AXL: variants seen among roughly 807,000 people sequenced by gnomAD.
AXL encodes the protein tyrosine-protein kinase receptor UFO.
A neutral mutation model predicts 104.5 loss-of-function variants in AXL; 52 were observed. The observed-to-expected ratio is 0.50, with a 90% CI of 0.40 to 0.63. The LOEUF (loss-of-function observed/expected upper bound fraction) is 0.63. Among genes scored for constraint, AXL ranks in the 20% least tolerant of loss-of-function variants. The probability of loss-of-function intolerance (pLI) is 0.00; values close to 1 mark genes in which losing one functional copy is unlikely to be tolerated. For synonymous variants in AXL, 455 were observed against 473.7 expected, an observed-to-expected ratio of 0.96 and a Z score of 0.51; for missense variants, 1,024 against 1,188.5, an observed-to-expected ratio of 0.86 and a Z score of 2.04.
rs1363946537 is a variant in AXL, at chr19:41,238,459, C to A, written c.995-11C>A. 1.9e-6 allele frequency: 3 copies of A among 1,605,690 alleles called. No homozygotes were observed. Among genetic ancestry groups the A allele is most frequent in the Non-Finnish European group, 1.7e-6 (2 of 1,173,614 alleles). The stretch of plus-strand genomic sequence containing the variant: ...TGGGGGTGCCAGCTTCCCCTCTTCC[C>A]TGTCCTCCAGTGCCCCTGGGCCCCC... On this transcript the variant is annotated splice_polypyrimidine_tract_variant and intron_variant, in intron 7 of 19. Coordinates refer to ENST00000301178, the MANE Select transcript of AXL (RefSeq NM_021913.5).
At chr19:41,247,120 G>A (rs1328642274) in intron 12 of AXL, among the ~76,000 whole-genome samples, 2 of 152,162 alleles carry the variant, frequency 1.3e-5, no homozygotes, top group African/African-American at 4.8e-5. Flanking sequence ...AAAACTAATC[G>A]ATTGTAACAG....
chr19:41,241,026 C>G (rs1223280758), intron 10 of AXL, among the ~76,000 whole-genome samples: 1 of 152,052 alleles, frequency 6.6e-6, no homozygotes, highest in African/African-American at 2.4e-5. Flanking sequence ...CTGTGCACCC[C>G]ATACTTCTCA....
chr19:41,248,939 C>T, intron 14 of AXL, 119 bp downstream of exon 14: 1 of 1,039,744 alleles, frequency 9.6e-7, no homozygotes, highest in Admixed American at 2.9e-5. Flanking sequence ...GGCAATGGAG[C>T]CCCTGCCAGG....
rs2033778351 is a variant in AXL, at chr19:41,220,860, T to G, written c.308+2T>G. 2 of 1,613,060 alleles carry G rather than the reference T, an allele frequency of 1.2e-6. No individual in the cohort carries two copies. Among genetic ancestry groups the G allele is most frequent in the Non-Finnish European group, 8.5e-7 (1 of 1,179,378 alleles). On this transcript the variant is annotated splice_donor_variant, in intron 2 of 19. Coordinates refer to ENST00000301178, the MANE Select transcript of AXL (RefSeq NM_021913.5). LOFTEE classifies it high-confidence loss of function. ...CTGGATAGTGGTCAGCCAGCTCAGG[T>G]GTGTGGCCACATCCCCGAATCCCAC...
In AXL at chr19:41,260,298, CTTTTTTTTTTTTTTTTT is replaced by C. The variant is rs869213717; in HGVS notation, c.*409_*425del. On this transcript the variant is annotated 3_prime_UTR_variant, in exon 20 of 20. Coordinates refer to ENST00000301178, the MANE Select transcript of AXL (RefSeq NM_021913.5). ...TAAAGTGCTAAGGTTCTAAGGCCTA[CTTTTTTTTTTTTTTTTT>C]TTTTTTTTTTTTTTGCGATAGAGTC... 8 of 48,632 alleles carry C rather than the reference CTTTTTTTTTTTTTTTTT, an allele frequency of 1.6e-4. No homozygotes were observed. Among genetic ancestry groups the C allele is most frequent in the South Asian group, 1.0e-3 (1 of 1,000 alleles). 3.0% of individuals were successfully genotyped at this position (48,632 alleles called of 1,614,324 possible). A position where few individuals can be genotyped will look rare whatever the true frequency, so the allele number is the denominator to read the frequency against.
At chr19:41,251,907 A>T (rs1456005286) in intron 14 of AXL, among the ~76,000 whole-genome samples, 2 of 151,482 alleles carry the variant, frequency 1.3e-5, no homozygotes, top group Non-Finnish European at 2.9e-5. Context: ...AGGTCAGGAG[A>T]TCGAAACCAT....
chr19:41,243,643 AG>A lies in AXL; in HGVS notation c.1475del (p.Gly492ValfsTer4), dbSNP rs1362413819. On this transcript the variant is annotated frameshift_variant, in exon 12 of 20. Transcript: ENST00000301178. LOFTEE classifies it high-confidence loss of function. ...GEVFEPTVER[G>X]ELVVRYRVRK... ...AAGTGTTTGAACCAACAGTGGAAAG[AG>A]GTGAACTGGTAGTCAGGTACCGCGT... 3 of 1,613,890 alleles carry A rather than the reference AG, an allele frequency of 1.9e-6. No homozygotes were observed. In the African/African-American group the frequency reaches 4.0e-5, roughly 22 times the overall value.
intron 12 of AXL, among the ~76,000 whole-genome samples, chr19:41,244,486 C>CT (rs200418503): frequency 9.4e-4 from 136 of 144,444 alleles, no homozygotes; most frequent in Admixed American, 2.4e-3. Context: ...CTTTTTTTTT[C>CT]TTTTTTTTTT....
intron 5 of AXL, 23 bp downstream of exon 5, chr19:41,231,070 A>T: frequency 6.2e-7 from 1 of 1,613,340 alleles, no homozygotes; most frequent in Non-Finnish European, 8.5e-7. Flanking sequence ...GGAGGTGGGG[A>T]GCTGGGCGTC....
chr19:41,240,343 GGGT>G (rs2034160468), intron 10 of AXL, among the ~76,000 whole-genome samples: 1 of 151,722 alleles, frequency 6.6e-6, no homozygotes, highest in Non-Finnish European at 1.5e-5. Flanking sequence ...AAAGATGACT[GGGT>G]GGTGAGTGGA....
Position 41,248,615 on chromosome 19 carries a change from T to A in AXL, c.1633+6T>A. The A allele has an allele frequency of 3.7e-6, 6 of 1,613,102 alleles. No homozygotes were observed. Among genetic ancestry groups the A allele is most frequent in the Non-Finnish European group, 5.1e-6 (6 of 1,179,684 alleles). On this transcript the variant is annotated splice_donor_region_variant and intron_variant, in intron 13 of 19. Transcript: ENST00000301178. ...GGGGAAGACTCTGGGAGAGGGTGAG[T>A]CCCCCGGCAGCATACACACATCCTT...
intron 10 of AXL, 22 bp downstream of exon 10, chr19:41,239,742 C>A: frequency 6.2e-7 from 1 of 1,613,976 alleles, no homozygotes; most frequent in Non-Finnish European, 8.5e-7. Flanking sequence ...CACACCCCAT[C>A]TCCTCCTTCC....
intron 6 of AXL, among the ~76,000 whole-genome samples, chr19:41,237,192 T>C (rs777787966): frequency 6.6e-6 from 1 of 152,200 alleles, no homozygotes; most frequent in Non-Finnish European, 1.5e-5. Flanking sequence ...CTTTTGCCTG[T>C]AGTATAATGT....
At chr19:41,233,738 C>T (rs952543662) in intron 6 of AXL, among the ~76,000 whole-genome samples, 3 of 149,960 alleles carry the variant, frequency 2.0e-5, no homozygotes, top group Non-Finnish European at 4.4e-5. Context: ...TCCCATCCTC[C>T]TCCCCTCCCC....
chr19:41,249,482 G>A (rs534683315), intron 14 of AXL, among the ~76,000 whole-genome samples: 6 of 151,684 alleles, frequency 4.0e-5, no homozygotes, highest in South Asian at 2.1e-4. Context: ...ATGGCTGGGC[G>A]TGGTGGCTCA....
chr19:41,242,743 A>T, intron 10 of AXL, 140 bp from the exon 11 acceptor site: 1 of 1,083,678 alleles, frequency 9.2e-7, no homozygotes, highest in Non-Finnish European at 1.4e-6. Context: ...CAGATATGTG[A>T]ATGCATCCAT....
At chr19:41,236,417 G>A (rs1329146453) in intron 6 of AXL, among the ~76,000 whole-genome samples, 1 of 151,448 alleles carries the variant, frequency 6.6e-6, no homozygotes, top group Non-Finnish European at 1.5e-5. Flanking sequence ...CATGAGAATT[G>A]CCTGAACCTG....
At chr19:41,234,924 G>A (rs1156681720) in intron 6 of AXL, among the ~76,000 whole-genome samples, 1 of 152,204 alleles carries the variant, frequency 6.6e-6, no homozygotes, top group African/African-American at 2.4e-5. Flanking sequence ...GGTTCCATGT[G>A]GCAGGGCTAT....
chr19:41,219,343 C>T lies in AXL; in HGVS notation c.-50C>T, dbSNP rs2122191140. ...GAGGGCCGGGGACAGCCCGGCCCTG[C>T]CCCCTCCCCCGCTGGGAGCCCAACA... On this transcript the variant is annotated 5_prime_UTR_variant, in exon 1 of 20. Coordinates refer to ENST00000301178, the MANE Select transcript of AXL (RefSeq NM_021913.5). 6.5e-7 allele frequency: 1 copy of T among 1,529,764 alleles called. No individual in the cohort carries two copies. Among genetic ancestry groups the T allele is most frequent in the East Asian group, 2.5e-5 (1 of 40,688 alleles). The allele number at this position is 1,529,764 out of a possible 1,614,324, so 94.8% of individuals were successfully genotyped here.
Sources: gnomAD v4.1 joint callset for allele counts (sites outside exome capture counted in the v4.1 genomes callset) on GRCh38, gnomAD v4.1.1 for gene constraint, MANE v1.5 for transcripts, NCBI Gene and HGNC (gene_info 2026-07-23, HGNC 2026-07-21) for gene names.